The following TMEM8B variants were observed in gnomAD, a reference collection of about 807,000 sequenced individuals.
TMEM8B encodes the protein nasopharyngeal carcinoma expressed 6.
Under a neutral mutation model 49.3 loss-of-function variants are expected in TMEM8B, and 29 were observed. The ratio of observed to expected loss-of-function variants is 0.59; its 90% CI spans 0.44 to 0.80. The LOEUF (loss-of-function observed/expected upper bound fraction) is 0.80. Ranked by LOEUF, TMEM8B falls within the 30% of genes least tolerant of loss-of-function variation. The pLI, the probability that TMEM8B is intolerant of heterozygous loss-of-function variation, is 0.00. For missense variants in TMEM8B, 575 were observed against 658.5 expected, an observed-to-expected ratio of 0.87 and a Z score of 1.39; for synonymous variants, 264 against 272.8, an observed-to-expected ratio of 0.97 and a Z score of 0.32.
chr9:35,846,672 G>T, intron 9 of TMEM8B, 61 bp downstream of exon 9: 2 of 1,558,218 alleles, frequency 1.3e-6, no homozygotes, highest in East Asian at 2.3e-5. Flanking sequence ...CTGGGCCTGT[G>T]GGCAGGCGGC....
intron 3 of TMEM8B, among the ~76,000 whole-genome samples, chr9:35,840,617 G>C (rs774983158): frequency 7.2e-5 from 11 of 152,164 alleles, no homozygotes; most frequent in Non-Finnish European, 1.5e-4. Flanking sequence ...GGACAAGCAC[G>C]TGGGAGCGGG....
At chr9:35,836,748 G>A (rs1348690879) in intron 3 of TMEM8B, among the ~76,000 whole-genome samples, 1 of 152,220 alleles carries the variant, frequency 6.6e-6, no homozygotes, top group Non-Finnish European at 1.5e-5. Flanking sequence ...GACATGGGAA[G>A]CGGGGCCTGG....
intron 1 of TMEM8B, among the ~76,000 whole-genome samples, chr9:35,833,971 C>T (rs771076805): frequency 6.6e-6 from 1 of 152,010 alleles, no homozygotes; most frequent in Non-Finnish European, 1.5e-5. Flanking sequence ...TCCATGCTGA[C>T]TCCCAAGCCC....
In TMEM8B at chr9:35,841,035, G is replaced by C. The variant is rs544183043; in HGVS notation, c.907-99G>C. The C allele has an allele frequency of 9.8e-4, 403 of 411,682 alleles. 4 individuals are homozygous for C. Among genetic ancestry groups the C allele is most frequent in the African/African-American group, 7.0e-3 (342 of 48,680 alleles). 25.5% of individuals were successfully genotyped at this position (411,682 alleles called of 1,614,324 possible). A position where few individuals can be genotyped will look rare whatever the true frequency, so the allele number is the denominator to read the frequency against. On this transcript the variant is annotated intron_variant, in intron 3 of 12. Coordinates refer to ENST00000643932, the MANE Select transcript of TMEM8B (RefSeq NM_001042590.4). This position sits in a 1 kb window ranked among gnomAD's most constrained non-coding sequence, Gnocchi z 5.9. The stretch of plus-strand genomic sequence containing the variant: ...GAGGCCTGGGAGTGGTGGCCGGGGC[G>C]GGGGTTTCTCCCCAGCCCGCCCAGC...
Position 35,846,281 on chromosome 9 carries a change from T to C in TMEM8B, c.1753T>C (p.Ser585Pro). The change falls in exon 8 of 13, where the codon TCT becomes CCT. Residue 585 changes from serine to proline, a missense_variant. Coordinates refer to ENST00000643932, the MANE Select transcript of TMEM8B (RefSeq NM_001042590.4). ...SKESLAGFLL[S>P]VSATTRVARL... ...AGAGTCCCTGGCCGGCTTCCTCCTC[T>C]CTGTCAGTGCCACCACCAGGGTTGC... 1.2e-6 allele frequency: 2 copies of C among 1,614,210 alleles called. No homozygotes were observed. Among genetic ancestry groups the C allele is most frequent in the Non-Finnish European group, 1.7e-6 (2 of 1,180,036 alleles).
Position 35,858,913 on chromosome 9 carries a change from A to G in TMEM8B, c.*5073A>G, listed in dbSNP as rs1011786254. 1.3e-5 allele frequency: 2 copies of G among 152,548 alleles called. No homozygotes were observed. The highest frequency in any genetic ancestry group is 2.9e-5 in the Non-Finnish European group (2 of 68,044). 9.4% of individuals were successfully genotyped at this position (152,548 alleles called of 1,614,324 possible). Reference sequence around the variant, plus strand: ...GACCATGATGCGGAGCAGAAGCCCCACCAGCCTCTGGTGGACCTGCATCAG... The same window carrying G: ...GACCATGATGCGGAGCAGAAGCCCCGCCAGCCTCTGGTGGACCTGCATCAG... On this transcript the variant is annotated 3_prime_UTR_variant, in exon 13 of 13. Coordinates refer to ENST00000643932, the MANE Select transcript of TMEM8B (RefSeq NM_001042590.4).
At position 35,846,280 on chromosome 9, in the gene TMEM8B, C is replaced by G. The variant is rs896142316; in HGVS notation, c.1752C>G (p.Leu584=). ...CAGAGTCCCTGGCCGGCTTCCTCCT[C>G]TCTGTCAGTGCCACCACCAGGGTTG... is the stretch of plus-strand genomic sequence containing the variant. ...CSKESLAGFL[L]SVSATTRVAR... Residue 584 remains leucine, a synonymous_variant, in exon 8 of 13, where the codon CTC becomes CTG. Transcript: ENST00000643932. 7 of 1,614,128 alleles carry G rather than the reference C, an allele frequency of 4.3e-6. No homozygotes were observed. In the African/African-American group the frequency reaches 8.0e-5, roughly 18 times the overall value.
At position 35,861,711 on chromosome 9, in the gene TMEM8B, C is replaced by T. The variant is rs1286675582; in HGVS notation, c.*7871C>T. The T allele has an allele frequency of 6.6e-6, 1 of 152,290 alleles. No homozygotes were observed. Among genetic ancestry groups the T allele is most frequent in the Non-Finnish European group, 1.5e-5 (1 of 68,102 alleles). 9.4% of individuals were successfully genotyped at this position (152,290 alleles called of 1,614,324 possible). A position where few individuals can be genotyped will look rare whatever the true frequency, so the allele number is the denominator to read the frequency against. ...TTGAAGACTGGGATGCTATGTAGCTCAGAGGAAACATACACCTGAAGGTGC... is the reference window on the plus strand; with the variant it reads ...TTGAAGACTGGGATGCTATGTAGCTTAGAGGAAACATACACCTGAAGGTGC... On this transcript the variant is annotated 3_prime_UTR_variant, in exon 13 of 13. Coordinates refer to ENST00000643932, the MANE Select transcript of TMEM8B (RefSeq NM_001042590.4).
chr9:35,840,101 C>A (rs994190725), intron 3 of TMEM8B, among the ~76,000 whole-genome samples: 1 of 152,204 alleles, frequency 6.6e-6, no homozygotes, highest in Non-Finnish European at 1.5e-5. Flanking sequence ...GCTCATATAG[C>A]TGCACGTGCT....
chr9:35,850,660 T>C (rs2132383066), intron 10 of TMEM8B, among the ~76,000 whole-genome samples: 1 of 152,362 alleles, frequency 6.6e-6, no homozygotes, highest in East Asian at 1.9e-4. Flanking sequence ...CTTCTTTTAG[T>C]GCAAATTCCT....
Position 35,848,778 on chromosome 9 carries a change from G to A in TMEM8B, c.2175+1783G>A, listed in dbSNP as rs532576864. Among the ~76,000 whole-genome samples, 11 of 150,708 alleles carry A rather than the reference G, an allele frequency of 7.3e-5. No homozygotes were observed. The East Asian group carries it at 1.6e-3, about 21-fold the overall frequency. ...CAACCTCCGCCTCCCAGGTTCAAGCGATTCTCCTGCCTCAGCCTCCTGAGT... is the reference window on the plus strand; with the variant it reads ...CAACCTCCGCCTCCCAGGTTCAAGCAATTCTCCTGCCTCAGCCTCCTGAGT... On this transcript the variant is annotated intron_variant, in intron 10 of 12. Transcript: ENST00000643932.
chr9:35,846,002 G>A lies in TMEM8B; in HGVS notation c.1663G>A (p.Val555Met), dbSNP rs1299447997. 1 of 1,614,092 alleles carries A rather than the reference G, an allele frequency of 6.2e-7. No homozygotes were observed. Among genetic ancestry groups the A allele is most frequent in the South Asian group, 1.1e-5 (1 of 91,078 alleles). The change falls in exon 7 of 13, where the codon GTG (valine) becomes ATG (methionine). Residue 555 changes from valine (V) to methionine (M), a missense_variant. Physicochemically the swap from Val to Met is conservative, Grantham distance 21. Coordinates refer to ENST00000643932, the MANE Select transcript of TMEM8B (RefSeq NM_001042590.4). ...ASSVRQENVTVFGCLTHEVPL... is the reference protein window; with the variant it reads ...ASSVRQENVTMFGCLTHEVPL... ...CTCCGTGCGCCAGGAAAACGTGACG[G>A]TGTTTGGATGCTTGACTCACGAGGT...
At chr9:35,844,944 G>A (rs563106465) in intron 6 of TMEM8B, among the ~76,000 whole-genome samples, 21 of 152,252 alleles carry the variant, frequency 1.4e-4, no homozygotes, top group Non-Finnish European at 2.5e-4. Context: ...ATCAAGAACT[G>A]GACATTTGGA....
chr9:35,841,065 T>C lies in TMEM8B; in HGVS notation c.907-69T>C, dbSNP rs1301387388. 4 of 413,474 alleles carry C rather than the reference T, an allele frequency of 9.7e-6. No individual in the cohort carries two copies. Among genetic ancestry groups the C allele is most frequent in the Non-Finnish European group, 1.8e-5 (4 of 226,246 alleles). 25.6% of individuals were successfully genotyped at this position (413,474 alleles called of 1,614,324 possible). A position where few individuals can be genotyped will look rare whatever the true frequency, so the allele number is the denominator to read the frequency against. ...TTTCTCCCCAGCCCGCCCAGCAGGT[T>C]CTGTTTGCCTTGGTTTAGTCACACC... On this transcript the variant is annotated intron_variant, in intron 3 of 12. Transcript: ENST00000643932. This position sits in a 1 kb window ranked among gnomAD's most constrained non-coding sequence, Gnocchi z 5.9.
At chr9:35,839,060 C>T (rs940178258) in intron 3 of TMEM8B, among the ~76,000 whole-genome samples, 1 of 152,228 alleles carries the variant, frequency 6.6e-6, no homozygotes, top group Admixed American at 6.5e-5. Flanking sequence ...TGCCTCTGGG[C>T]ATGGGCTCAG....
chr9:35,851,674 A>G (rs1390407401), intron 10 of TMEM8B, among the ~76,000 whole-genome samples: 1 of 152,238 alleles, frequency 6.6e-6, no homozygotes, highest in African/African-American at 2.4e-5. Flanking sequence ...AAGAAAGAAG[A>G]TAGATACGCA....
chr9:35,848,801 A>G (rs1436664114), intron 10 of TMEM8B, among the ~76,000 whole-genome samples: 2 of 150,634 alleles, frequency 1.3e-5, no homozygotes, highest in Non-Finnish European at 2.9e-5. Context: ...CAGCCTCCTG[A>G]GTAGCTGGGA....
In TMEM8B at chr9:35,842,399, A is replaced by G; in HGVS notation, c.1317A>G (p.Pro439=). The change falls in exon 6 of 13, where the codon CCA becomes CCG. Residue 439 remains proline (P), a synonymous_variant. Coordinates refer to ENST00000643932, the MANE Select transcript of TMEM8B (RefSeq NM_001042590.4). This position sits in a 1 kb window ranked among gnomAD's most constrained non-coding sequence, Gnocchi z 5.6. ...FQLCVRLQEC[P]QPGLLRALVP... is the part of the protein sequence containing the mutation. ...GTTTCCTCTGCCCCACAGAGTGCCC[A>G]CAGCCCGGCCTGCTCCGAGCCCTGG... is the stretch of plus-strand genomic sequence containing the variant. The G allele has an allele frequency of 6.6e-7, 1 of 1,519,254 alleles. No homozygotes were observed. Among genetic ancestry groups the G allele is most frequent in the Non-Finnish European group, 8.8e-7 (1 of 1,133,230 alleles). 94.1% of individuals were successfully genotyped at this position (1,519,254 alleles called of 1,614,324 possible).
rs768451118 is a variant in TMEM8B, at chr9:35,847,076, C to T, written c.2175+81C>T. The T allele has an allele frequency of 5.0e-6, 8 of 1,614,050 alleles. No individual in the cohort carries two copies. In the East Asian group the frequency reaches 6.7e-5, roughly 13 times the overall value. ...CAGTCTGTATTTCCACCACGTTCTCCGAGGGTTTGGGAATGTCTGTGCCTT... is the reference window on the plus strand; with the variant it reads ...CAGTCTGTATTTCCACCACGTTCTCTGAGGGTTTGGGAATGTCTGTGCCTT... On this transcript the variant is annotated intron_variant, in intron 10 of 12. Coordinates refer to ENST00000643932, the MANE Select transcript of TMEM8B (RefSeq NM_001042590.4).
Sources: gnomAD v4.1 joint callset for allele counts (sites outside exome capture counted in the v4.1 genomes callset) on GRCh38, gnomAD v4.1.1 for gene constraint, Gnocchi (gnomAD v3.1) non-coding constraint, MANE v1.5 for transcripts, NCBI Gene and HGNC (gene_info 2026-07-23, HGNC 2026-07-21) for gene names.